Variants in INSL6 observed in about 807,000 individuals in gnomAD.
INSL6 encodes the protein insulin-like peptide INSL6.
Under a neutral mutation model 9.4 loss-of-function variants are expected in INSL6, and 16 were observed. The ratio of observed to expected loss-of-function variants is 1.70; its 90% confidence interval spans 1.15 to 2.59. The LOEUF is 2.59. INSL6 is among the 30% of genes most tolerant of loss of function. The pLI, the probability that INSL6 is intolerant of heterozygous loss-of-function variation, is 0.00. For synonymous variants in INSL6, 154 were observed against 96.9 expected (o/e 1.59, Z -3.46); for missense variants, 391 against 257.3 (o/e 1.52, Z -3.56).
the INSL6 span, among the ~76,000 whole-genome samples, chr9:5,051,519 T>C: frequency 2.0e-5 from 3 of 152,136 alleles, no homozygotes; most frequent in Non-Finnish European, 4.4e-5. Context: ...CAAATATGAA[T>C]TTTTACAGAT....
At chr9:5,142,804 T>C (rs939588265) in intron 2 of INSL6, among the ~76,000 whole-genome samples, 6 of 152,156 alleles carry the variant, frequency 3.9e-5, no homozygotes, top group African/African-American at 1.4e-4. Flanking sequence ...CTTCAAACTT[T>C]TACCCATTCA....
chr9:5,090,505 C>T, the INSL6 span: 14 of 1,591,676 alleles, frequency 8.8e-6, no homozygotes, highest in South Asian at 1.2e-5. Context: ...ACGAGACTAT[C>T]TTCAAAAACA....
the INSL6 span, chr9:5,112,485 C>G: frequency 1.8e-6 from 1 of 553,680 alleles, no homozygotes; most frequent in South Asian, 2.4e-5. Context: ...CCAGCCCAGA[C>G]AAGGACGAGG....
chr9:5,110,679 C>T, the INSL6 span: 1 of 322,152 alleles, frequency 3.1e-6, no homozygotes, highest in South Asian at 2.7e-5. Flanking sequence ...ATACCAACGC[C>T]TGAGCCCTTT....
the INSL6 span, chr9:5,090,629 G>C: frequency 2.0e-6 from 3 of 1,532,178 alleles, no homozygotes; most frequent in Non-Finnish European, 2.6e-6. Context: ...GTAGACATTA[G>C]GAAATCATCT....
Position 5,167,297 on chromosome 9 carries a change from G to C in INSL6, c.290-3032C>G, listed in dbSNP as rs74435773. ...TGAGCCCATGCCACCAGGGCCTTGGGTTCCAAGCATTAAGCTATGCAGACT... is the reference window on the plus strand; with the variant it reads ...TGAGCCCATGCCACCAGGGCCTTGGCTTCCAAGCATTAAGCTATGCAGACT... On this transcript the variant is annotated intron_variant, in intron 1 of 1. Coordinates refer to ENST00000381641, the MANE Select transcript of INSL6 (RefSeq NM_007179.3). Among the ~76,000 whole-genome samples the C allele has an allele frequency of 3.6e-3, 554 of 152,350 alleles. 3 individuals are homozygous for C. The highest frequency in any genetic ancestry group is 5.8e-3 in the Non-Finnish European group (393 of 68,036).
At chr9:5,066,715 A>T in the INSL6 span, 1 of 1,610,364 alleles carries the variant, frequency 6.2e-7, no homozygotes, top group Non-Finnish European at 8.5e-7. Context: ...GAAAGCAGGT[A>T]ATCAGACTGG....
At chr9:5,086,723 A>C in the INSL6 span, among the ~76,000 whole-genome samples, 3 of 152,174 alleles carry the variant, frequency 2.0e-5, no homozygotes, top group African/African-American at 7.2e-5. Context: ...CTGTCTGACT[A>C]TAACTTTATA....
chr9:5,073,936 C>G, the INSL6 span: 5 of 594,742 alleles, frequency 8.4e-6, no homozygotes, highest in Admixed American at 3.1e-5. Context: ...CACTGTAGGA[C>G]TATTCAGTTA....
At chr9:5,069,997 C>A in the INSL6 span, 5 of 1,608,020 alleles carry the variant, frequency 3.1e-6, no homozygotes, top group South Asian at 5.5e-5. Flanking sequence ...TTACAGAGGC[C>A]TACTCATATG....
the INSL6 span, chr9:5,065,018 A>T: frequency 6.3e-7 from 1 of 1,598,098 alleles, no homozygotes; most frequent in Admixed American, 1.7e-5. Context: ...AAATATACAA[A>T]GCAACTGTCA....
the INSL6 span, among the ~76,000 whole-genome samples, chr9:5,053,806 G>C: frequency 3.3e-5 from 5 of 152,044 alleles, no homozygotes; most frequent in South Asian, 8.3e-4. Context: ...CACAGAATGA[G>C]GTCCAGAAAG....
At chr9:5,058,551 G>C in the INSL6 span, among the ~76,000 whole-genome samples, 1 of 152,196 alleles carries the variant, frequency 6.6e-6, no homozygotes. Context: ...GGGACGCAGA[G>C]CCAAACCATG....
chr9:5,045,859 A>G, the INSL6 span, among the ~76,000 whole-genome samples: 1 of 152,186 alleles, frequency 6.6e-6, no homozygotes, highest in African/African-American at 2.4e-5. Flanking sequence ...TGGGTAAACA[A>G]ATATTTCCTT....
At chr9:5,028,994 T>C in the INSL6 span, among the ~76,000 whole-genome samples, 108 of 152,338 alleles carry the variant, frequency 7.1e-4, no homozygotes, top group African/African-American at 2.5e-3. Context: ...TCAAAAACTT[T>C]TTCTTTGCAT....
the INSL6 span, among the ~76,000 whole-genome samples, chr9:5,011,673 A>C: frequency 6.6e-6 from 1 of 152,092 alleles, no homozygotes; most frequent in African/African-American, 2.4e-5. Flanking sequence ...ATGTTTAATA[A>C]GTTTCAGCTG....
intron 2 of INSL6, among the ~76,000 whole-genome samples, chr9:5,134,088 G>A (rs1824344063): frequency 1.3e-5 from 2 of 152,086 alleles, no homozygotes; most frequent in South Asian, 4.2e-4. Context: ...CAGAAGAAAG[G>A]ATACCAGAGA....
At chr9:5,122,910 GTTTTT>G (rs796174169), downstream of INSL6, 13 of 640,638 alleles carry the variant, frequency 2.0e-5, no homozygotes, top group Admixed American at 9.6e-5. Flanking sequence ...TTCTCTACAT[GTTTTT>G]TTTTTTAATT....
chr9:5,080,810 T>C, the INSL6 span: 59 of 586,366 alleles, frequency 1.0e-4, no homozygotes, highest in Admixed American at 3.4e-4. Flanking sequence ...TAATTTCTTA[T>C]GTTCATATGG....
Sources: gnomAD v4.1 joint callset for allele counts (sites outside exome capture counted in the v4.1 genomes callset) on GRCh38, gnomAD v4.1.1 for gene constraint, MANE v1.5 for transcripts, NCBI Gene and HGNC (gene_info 2026-07-23, HGNC 2026-07-21) for gene names.